Variants in MBP observed in about 807,000 individuals in gnomAD.
MBP encodes the protein myelin basic protein, also known as Golli-MBP.
Under a neutral mutation model 35.8 loss-of-function variants are expected in MBP, and 16 were observed. The observed-to-expected ratio is 0.45, with a 90% confidence interval of 0.30 to 0.68. MBP has a LOEUF of 0.68. Ranked by LOEUF, MBP falls within the 30% of genes least tolerant of loss-of-function variation. The pLI is 0.08. For missense variants in MBP, 380 were observed against 404.7 expected, an observed-to-expected ratio of 0.94 and a Z score of 0.52; for synonymous variants, 143 against 159.6, an observed-to-expected ratio of 0.90 and a Z score of 0.78.
intron 7 of MBP, chr18:76,986,705 G>C: frequency 1.0e-6 from 1 of 985,514 alleles, no homozygotes; most frequent in Non-Finnish European, 1.2e-6. Context: ...CAGAGGGCAG[G>C]TTGCCAGCCT....
chr18:77,011,374 A>G (rs1375299695), intron 4 of MBP, among the ~76,000 whole-genome samples: 1 of 152,186 alleles, frequency 6.6e-6, no homozygotes, highest in Admixed American at 6.5e-5. Context: ...CAGGGCCAAC[A>G]AGCGAAGAAC....
chr18:76,999,109 C>A (rs1190920830), intron 4 of MBP, among the ~76,000 whole-genome samples: 1 of 151,922 alleles, frequency 6.6e-6, no homozygotes, highest in Non-Finnish European at 1.5e-5. Flanking sequence ...GTTACCTGTT[C>A]CTAGGTGGGA....
intron 3 of MBP, among the ~76,000 whole-genome samples, chr18:77,045,857 G>A (rs988400078): frequency 1.6e-4 from 25 of 152,202 alleles, no homozygotes; most frequent in African/African-American, 5.8e-4. Flanking sequence ...CTGGAAAGTG[G>A]ATGGTGCCTT....
rs373456053 is a variant in MBP, at chr18:77,060,372, C to T, written c.139+5926G>A. On this transcript the variant is annotated intron_variant, in intron 3 of 8. Transcript: ENST00000355994. ...AATGAACGGCAGCACTCATTATTCA[C>T]TGTATGAACGTGGCTTCAAGCAGTA... Among the ~76,000 whole-genome samples, 18 of 151,448 alleles carry T rather than the reference C, an allele frequency of 1.2e-4. 1 individual carries two copies. The East Asian group carries it at 1.9e-3, about 16-fold the overall frequency.
chr18:77,096,931 C>T (rs1257913233), intron 2 of MBP, among the ~76,000 whole-genome samples: 1 of 152,194 alleles, frequency 6.6e-6, no homozygotes, highest in South Asian at 2.1e-4. Context: ...CCAGTTCATT[C>T]GCCTGTGAAC....
rs994542702 is a variant in MBP, at chr18:76,986,845, C to T, written c.750+1650G>A. 11 of 985,444 alleles carry T rather than the reference C, an allele frequency of 1.1e-5. No individual in the cohort carries two copies. The South Asian group carries it at 1.9e-4, about 17-fold the overall frequency. 61.0% of individuals were successfully genotyped at this position (985,444 alleles called of 1,614,324 possible). On this transcript the variant is annotated intron_variant, in intron 7 of 8. Coordinates refer to ENST00000355994, the MANE Select transcript of MBP (RefSeq NM_001025101.2). ...GATTGACTTTCAGATTAACAATCTG[C>T]GCGGCCTTTCCTCCTTTCCAATCCT...
intron 4 of MBP, chr18:77,003,780 T>A (rs1197075763): frequency 6.6e-6 from 1 of 152,188 alleles, no homozygotes; most frequent in Non-Finnish European, 1.5e-5. Context: ...ATCCTTGACA[T>A]CCCCAGAAAC....
At position 77,102,604 on chromosome 18, in the gene MBP, A is replaced by G. The variant is rs1976078162; in HGVS notation, c.51+2607T>C. On this transcript the variant is annotated intron_variant, in intron 2 of 8. Coordinates refer to ENST00000355994, the MANE Select transcript of MBP (RefSeq NM_001025101.2). The surrounding 1 kb of genome is among the most constrained non-coding windows in gnomAD (Gnocchi z 4.4). ...AGAACTTTAAACATGAGATTTCAGA[A>G]AACAAAAGCCTCAGCATGGGCTTTG... Among the ~76,000 whole-genome samples the G allele has an allele frequency of 6.6e-6, 1 of 152,248 alleles. No homozygotes were observed. Among genetic ancestry groups the G allele is most frequent in the South Asian group, 2.1e-4 (1 of 4,836 alleles).
intron 2 of MBP, among the ~76,000 whole-genome samples, chr18:77,090,557 C>T (rs191375884): frequency 1.2e-4 from 19 of 152,314 alleles, no homozygotes; most frequent in East Asian, 3.9e-4. Context: ...TGTGACCTCC[C>T]GGTGCACCCG....
intron 8 of MBP, chr18:76,981,441 C>A (rs1390681881): frequency 6.6e-6 from 1 of 152,228 alleles, no homozygotes; most frequent in Non-Finnish European, 1.5e-5. Flanking sequence ...AACCAGAGCG[C>A]AGACGCCAAG....
chr18:76,993,150 C>G (rs1242324455), intron 4 of MBP, among the ~76,000 whole-genome samples: 1 of 152,224 alleles, frequency 6.6e-6, no homozygotes. Flanking sequence ...TCATTACTTC[C>G]CAACTAAATG....
At chr18:77,109,384 A>G (rs1476090873) in intron 1 of MBP, 2 of 152,248 alleles carry the variant, frequency 1.3e-5, no homozygotes, top group African/African-American at 2.4e-5. Context: ...CTTTAAGACC[A>G]CACAAAGTGT....
intron 3 of MBP, among the ~76,000 whole-genome samples, chr18:77,033,365 C>G (rs1461766850): frequency 2.6e-5 from 4 of 152,178 alleles, no homozygotes; most frequent in Non-Finnish European, 5.9e-5. Context: ...ATTTGCAAAA[C>G]TGATATAACA....
chr18:77,023,698 G>T (rs1000249401), intron 3 of MBP, among the ~76,000 whole-genome samples: 2 of 152,146 alleles, frequency 1.3e-5, no homozygotes, highest in Non-Finnish European at 2.9e-5. Flanking sequence ...GCAGGCCCTT[G>T]ACCTCTGTGG....
At chr18:77,122,603 C>T (rs1445831736) in intron 1 of MBP, among the ~76,000 whole-genome samples, 3 of 152,174 alleles carry the variant, frequency 2.0e-5, no homozygotes, top group African/African-American at 4.8e-5. Flanking sequence ...AGTGCATTGG[C>T]GCAATCTGGG....
intron 3 of MBP, among the ~76,000 whole-genome samples, chr18:77,035,366 T>C (rs1377325663): frequency 6.6e-6 from 1 of 152,244 alleles, no homozygotes; most frequent in African/African-American, 2.4e-5. Flanking sequence ...GTGTGCCCAG[T>C]AGATGTCCAC....
At chr18:77,092,916 G>T (rs1294631355) in intron 2 of MBP, among the ~76,000 whole-genome samples, 1 of 152,144 alleles carries the variant, frequency 6.6e-6, no homozygotes, top group Admixed American at 6.5e-5. Context: ...TGCGTATTTC[G>T]CTGTTTCTGA....
At position 76,988,277 on chromosome 18, in the gene MBP, G is replaced by C. The variant is rs1002450447; in HGVS notation, c.750+218C>G. The C allele has an allele frequency of 4.5e-6, 7 of 1,551,436 alleles. No homozygotes were observed. The highest frequency in any genetic ancestry group is 6.1e-6 in the Non-Finnish European group (7 of 1,147,340). On this transcript the variant is annotated intron_variant, in intron 7 of 8. Transcript: ENST00000355994. The surrounding 1 kb of genome is among the most constrained non-coding windows in gnomAD (Gnocchi z 5.2). ...TCTGGCCTTGCAGGGCTGGGTCCCC[G>C]GCACAGAAGCAAGAGACCAGACCTT...
chr18:76,988,075 T>A lies in MBP; in HGVS notation c.750+420A>T. ...TTCATCAGCAGAATCATTTTCCCAG[T>A]GTCAGCATCTGGGGTCACTGAGACG... On this transcript the variant is annotated intron_variant, in intron 7 of 8. Coordinates refer to ENST00000355994, the MANE Select transcript of MBP (RefSeq NM_001025101.2). This position sits in a 1 kb window ranked among gnomAD's most constrained non-coding sequence, Gnocchi z 5.2. 4.1e-6 allele frequency: 6 copies of A among 1,456,262 alleles called. No homozygotes were observed. The highest frequency in any genetic ancestry group is 5.4e-6 in the Non-Finnish European group (6 of 1,106,654). 90.2% of individuals were successfully genotyped at this position (1,456,262 alleles called of 1,614,324 possible).
Sources: allele counts gnomAD v4.1 joint callset (sites outside exome capture counted in the v4.1 genomes callset), GRCh38; gene constraint gnomAD v4.1.1; non-coding constraint Gnocchi (gnomAD v3.1); transcripts MANE v1.5; gene names NCBI Gene and HGNC (gene_info 2026-07-23, HGNC 2026-07-21).